The following TFAP2D variants were observed in gnomAD, a reference collection of about 807,000 sequenced individuals.
TFAP2D encodes the protein transcription factor AP-2 delta, also known as transcription factor AP-2-delta.
A neutral mutation model predicts 43.6 loss-of-function variants in TFAP2D; 9 were observed. The ratio of observed to expected loss-of-function variants is 0.21; its 90% CI spans 0.12 to 0.36. The LOEUF (loss-of-function observed/expected upper bound fraction) is 0.36, where lower values mean the gene tolerates loss of function less well. TFAP2D is among the 10% of genes least tolerant of loss of function. The probability of loss-of-function intolerance (pLI) is 1.00; values close to 1 mark genes in which losing one functional copy is unlikely to be tolerated. For synonymous variants in TFAP2D, 256 were observed against 224.9 expected (o/e 1.14, Z -1.24); for missense variants, 513 against 561.4 (o/e 0.91, Z 0.87).
intron 1 of TFAP2D, 69 bp from the exon 2 acceptor site, chr6:50,715,047 C>A: frequency 1.3e-6 from 2 of 1,552,278 alleles, no homozygotes; most frequent in Non-Finnish European, 1.7e-6. Flanking sequence ...TCCGGGAGAG[C>A]GGCGCCTTGG....
At chr6:50,738,931 G>T (rs760260585) in intron 5 of TFAP2D, among the ~76,000 whole-genome samples, 4 of 152,116 alleles carry the variant, frequency 2.6e-5, no homozygotes, top group Non-Finnish European at 4.4e-5. Context: ...ATTTTTGGAA[G>T]ATGTGCAGTT....
intron 7 of TFAP2D, among the ~76,000 whole-genome samples, chr6:50,766,948 G>A (rs573930701): frequency 6.6e-5 from 10 of 152,226 alleles, no homozygotes; most frequent in Admixed American, 3.3e-4. Context: ...GATTACAGGC[G>A]TGAGCCACCG....
intron 3 of TFAP2D, among the ~76,000 whole-genome samples, chr6:50,722,283 C>A (rs1768738420): frequency 4.6e-5 from 7 of 152,170 alleles, no homozygotes; most frequent in Admixed American, 4.6e-4. Context: ...ACCCTGTGCT[C>A]GCGTATCGAT....
chr6:50,719,201 T>C, intron 3 of TFAP2D, 51 bp downstream of exon 3: 1 of 1,564,098 alleles, frequency 6.4e-7, no homozygotes, highest in Non-Finnish European at 8.8e-7. Context: ...CTCCTATCTC[T>C]TACTTTGTTT....
rs150508576 is a variant in TFAP2D at position 50,743,346 on chromosome 6, A to T, written c.884-1761A>T. On this transcript the variant is annotated intron_variant, in intron 5 of 7. Transcript: ENST00000008391. ...AGGTCTCACCTTGTGAGAATGAAAA[A>T]AATAGTATATTTTGTTTTGTTTTGT... Among the ~76,000 whole-genome samples the T allele has an allele frequency of 2.5e-4, 38 of 149,026 alleles. No individual in the cohort carries two copies. In the East Asian group the frequency reaches 7.7e-3, roughly 30 times the overall value.
At chr6:50,746,918 G>A (rs1769132764) in intron 6 of TFAP2D, among the ~76,000 whole-genome samples, 1 of 152,116 alleles carries the variant, frequency 6.6e-6, no homozygotes, top group East Asian at 1.9e-4. Context: ...GCAAAAGTTG[G>A]TGGCAGAAGG....
intron 7 of TFAP2D, among the ~76,000 whole-genome samples, chr6:50,766,515 C>T (rs1001102075): frequency 5.9e-5 from 9 of 152,034 alleles, no homozygotes; most frequent in Non-Finnish European, 8.8e-5. Context: ...TCCATTCATT[C>T]GTGCCTTCTT....
chr6:50,718,907 G>C (rs1768669858), intron 2 of TFAP2D, among the ~76,000 whole-genome samples, 183 bp from the exon 3 acceptor site: 1 of 152,188 alleles, frequency 6.6e-6, no homozygotes, highest in Non-Finnish European at 1.5e-5. Context: ...CTTTTAGATT[G>C]TGGTTTTTCT....
rs541343063 is a variant in TFAP2D at position 50,714,185 on chromosome 6, C to T, written c.39+91C>T. 54 of 1,301,036 alleles carry T rather than the reference C, an allele frequency of 4.2e-5. No individual in the cohort carries two copies. In the South Asian group the frequency reaches 6.2e-4, roughly 15 times the overall value. 80.6% of individuals were successfully genotyped at this position (1,301,036 alleles called of 1,614,324 possible). A position where few individuals can be genotyped will look rare whatever the true frequency, so the allele number is the denominator to read the frequency against. On this transcript the variant is annotated intron_variant, in intron 1 of 7. Transcript: ENST00000008391. The stretch of plus-strand genomic sequence containing the variant: ...GCGGTGGCGGCGGCGGTGGCAGCCT[C>T]CCCTGTCTCTAATCTATATTGGACC...
In TFAP2D at chr6:50,715,495, A is replaced by G. The variant is rs770047299; in HGVS notation, c.419A>G (p.Tyr140Cys). 2.5e-6 allele frequency: 4 copies of G among 1,613,486 alleles called. No individual in the cohort carries two copies. In the South Asian group the frequency reaches 4.4e-5, roughly 18 times the overall value. ...CGGGAGCTGGGCTGCCTCGATGCCT[A>G]CCGCCGCCATGACCTGTCCCTCATG... is the stretch of plus-strand genomic sequence containing the variant. ...QRRELGCLDA[Y>C]RRHDLSLMSH... The change falls in exon 2 of 8, where the codon TAC (tyrosine) becomes TGC (cysteine). Residue 140 changes from tyrosine to cysteine, a missense_variant. By Grantham distance (194) the Tyr-to-Cys change is radical (BLOSUM62 -2). Transcript: ENST00000008391.
intron 7 of TFAP2D, among the ~76,000 whole-genome samples, 174 bp from the exon 8 acceptor site, chr6:50,772,471 A>G (rs1447795822): frequency 6.6e-6 from 1 of 152,202 alleles, no homozygotes; most frequent in Non-Finnish European, 1.5e-5. Flanking sequence ...CATTTCTTAC[A>G]TAGTCAAGAG....
intron 2 of TFAP2D, 134 bp downstream of exon 2, chr6:50,715,747 T>TCACA (rs1450229346): frequency 6.3e-4 from 315 of 498,264 alleles, no homozygotes; most frequent in African/African-American, 2.6e-3. Flanking sequence ...TCTCTCTCTC[T>TCACA]CTCACACACA....
At chr6:50,763,716 T>G (rs1052012955) in intron 7 of TFAP2D, among the ~76,000 whole-genome samples, 3 of 152,126 alleles carry the variant, frequency 2.0e-5, no homozygotes, top group African/African-American at 7.2e-5. Context: ...TAAATGAATC[T>G]GAAAATTATT....
At chr6:50,742,573 CATAGATAG>C (rs144051096) in intron 5 of TFAP2D, among the ~76,000 whole-genome samples, 42,232 of 145,162 alleles carry the variant, frequency 0.29, 6,165 homozygotes, top group Middle Eastern at 0.34. Context: ...GACAGACACA[CATAGATAG>C]ATAGATAGAT....
intron 3 of TFAP2D, among the ~76,000 whole-genome samples, chr6:50,720,981 A>G (rs1026928913): frequency 2.6e-5 from 4 of 152,192 alleles, no homozygotes; most frequent in Non-Finnish European, 5.9e-5. Flanking sequence ...GGAGGGAGTT[A>G]GAGAGGAAGA....
In TFAP2D at chr6:50,729,070, T is replaced by C. The variant is rs765865617; in HGVS notation, c.764+49T>C. The C allele has an allele frequency of 3.1e-6, 5 of 1,608,852 alleles. No individual in the cohort carries two copies. In the East Asian group the frequency reaches 1.1e-4, roughly 36 times the overall value. ...ACAGAATTTCTGCTAACTGATACCA[T>C]ACCCTCAACCCTTAGTCATGATGTC... On this transcript the variant is annotated intron_variant, in intron 4 of 7. Transcript: ENST00000008391.
At chr6:50,758,912 C>T (rs555127351) in intron 7 of TFAP2D, among the ~76,000 whole-genome samples, 18 of 152,006 alleles carry the variant, frequency 1.2e-4, no homozygotes, top group African/African-American at 4.3e-4. Context: ...AAAGATGGGC[C>T]TAGGAGAAGG....
intron 7 of TFAP2D, among the ~76,000 whole-genome samples, chr6:50,769,593 A>T (rs1191255913): frequency 6.6e-6 from 1 of 152,190 alleles, no homozygotes; most frequent in South Asian, 2.1e-4. Context: ...CTTGATTTTT[A>T]AAAACCCTGC....
intron 7 of TFAP2D, among the ~76,000 whole-genome samples, chr6:50,756,910 AT>A (rs1303535207): frequency 1.3e-5 from 2 of 151,884 alleles, no homozygotes; most frequent in Non-Finnish European, 2.9e-5. Flanking sequence ...AATGTTAGGA[AT>A]TCCCCTCTTT....
Sources: allele counts gnomAD v4.1 joint callset (sites outside exome capture counted in the v4.1 genomes callset), GRCh38; gene constraint gnomAD v4.1.1; transcripts MANE v1.5; gene names NCBI Gene and HGNC (gene_info 2026-07-23, HGNC 2026-07-21).